CSPP1: variants seen among roughly 807,000 people sequenced by gnomAD.
CSPP1 encodes centrosome and spindle pole associated protein 1.
A neutral mutation model predicts 164.4 loss-of-function variants in CSPP1; 126 were observed. The ratio of observed to expected loss-of-function variants is 0.77; its 90% CI spans 0.66 to 0.89. The LOEUF (loss-of-function observed/expected upper bound fraction) is 0.89, where lower values mean the gene tolerates loss of function less well. Among genes scored for constraint, CSPP1 ranks in the 40% least tolerant of loss-of-function variants. The pLI, the probability that CSPP1 is intolerant of heterozygous loss-of-function variation, is 0.00. For synonymous variants in CSPP1, 472 were observed against 476.7 expected (o/e 0.99, Z 0.13); for missense variants, 1,395 against 1,449.8 (o/e 0.96, Z 0.61).
intron 15 of CSPP1, among the ~76,000 whole-genome samples, chr8:67,129,957 AT>A (rs1358180514): frequency 1.3e-5 from 2 of 152,258 alleles, no homozygotes; most frequent in Non-Finnish European, 2.9e-5. Context: ...ACTAAAGATC[AT>A]TTAATTGTAT....
intron 19 of CSPP1, among the ~76,000 whole-genome samples, chr8:67,156,899 T>C (rs1486355109): frequency 4.6e-5 from 7 of 152,226 alleles, no homozygotes; most frequent in African/African-American, 1.4e-4. Flanking sequence ...TGGAAAACCA[T>C]GACAGGAAGA....
chr8:67,070,155 A>C lies in CSPP1; in HGVS notation c.-10-4088A>C, dbSNP rs375104348. Among the ~76,000 whole-genome samples, 177 of 152,140 alleles carry C rather than the reference A, an allele frequency of 1.2e-3. 1 individual carries two copies. The highest frequency in any genetic ancestry group is 4.2e-3 in the African/African-American group (173 of 41,524). ...TTACTAGGAAAAATCTTTCGTGACTATTAGCAAATTAAAAATGGCTGAAAT... is the reference window on the plus strand; with the variant it reads ...TTACTAGGAAAAATCTTTCGTGACTCTTAGCAAATTAAAAATGGCTGAAAT... On this transcript the variant is annotated intron_variant, in intron 1 of 30. Coordinates refer to ENST00000678616, the MANE Select transcript of CSPP1 (RefSeq NM_001382391.1).
intron 20 of CSPP1, 27 bp from the exon 21 acceptor site, chr8:67,158,964 A>G (rs766214855): frequency 2.6e-6 from 4 of 1,542,936 alleles, no homozygotes; most frequent in Non-Finnish European, 3.5e-6. Context: ...AATATATGGA[A>G]TGCATATTTC....
chr8:67,089,491 ATGGCTGATAAACC>A (rs1404755563), intron 4 of CSPP1, among the ~76,000 whole-genome samples: 1 of 152,134 alleles, frequency 6.6e-6, no homozygotes, highest in East Asian at 1.9e-4. Flanking sequence ...TCCCACCCTC[ATGGCTGATAAACC>A]TGCACTATCC....
chr8:67,165,323 A>G (rs1269977463), intron 24 of CSPP1, among the ~76,000 whole-genome samples: 1 of 152,096 alleles, frequency 6.6e-6, no homozygotes, highest in African/African-American at 2.4e-5. Flanking sequence ...GTTTCTGTAC[A>G]CCCTTCATCC....
chr8:67,169,937 G>T (rs78862225), intron 24 of CSPP1, among the ~76,000 whole-genome samples: 1 of 151,756 alleles, frequency 6.6e-6, no homozygotes, highest in Non-Finnish European at 1.5e-5. Flanking sequence ...TAGTAGAGAC[G>T]TGGTTTTTCC....
At chr8:67,177,467 A>G (rs1831974505) in intron 26 of CSPP1, among the ~76,000 whole-genome samples, 1 of 152,212 alleles carries the variant, frequency 6.6e-6, no homozygotes, top group Non-Finnish European at 1.5e-5. Context: ...TTTACTTGTT[A>G]TGTTCATTCA....
chr8:67,194,578 G>A (rs909086614), intron 30 of CSPP1, among the ~76,000 whole-genome samples: 4 of 151,998 alleles, frequency 2.6e-5, no homozygotes, highest in Non-Finnish European at 5.9e-5. Context: ...ATCTTTTTCA[G>A]AAGGTTTTTA....
In CSPP1 at chr8:67,158,982, A is replaced by C. The variant is rs1827195205; in HGVS notation, c.2392-9A>C. On this transcript the variant is annotated splice_polypyrimidine_tract_variant and intron_variant, in intron 20 of 30. Coordinates refer to ENST00000678616, the MANE Select transcript of CSPP1 (RefSeq NM_001382391.1). Reference sequence around the variant, plus strand: ...ATATGGAATGCATATTTCTCTTTTTATTTTAAAGCAAAGGCTAAAAAATGA... The same window carrying C: ...ATATGGAATGCATATTTCTCTTTTTCTTTTAAAGCAAAGGCTAAAAAATGA... 3.2e-6 allele frequency: 5 copies of C among 1,584,516 alleles called. No homozygotes were observed. In the African/African-American group the frequency reaches 6.9e-5, roughly 22 times the overall value.
In CSPP1 at chr8:67,105,950, T is replaced by A; in HGVS notation, c.1068T>A (p.Cys356Ter). ...ETSKSANQDT[C>*]SPFAGMLFGG... is the part of the protein sequence containing the mutation. ...CCAAATCTGCTAATCAAGATACCTGTAGTCCTTTTGCAGGGATGCTCTTTG... is the reference window on the plus strand; with the variant it reads ...CCAAATCTGCTAATCAAGATACCTGAAGTCCTTTTGCAGGGATGCTCTTTG... The change falls in exon 9 of 31, where the codon TGT becomes TGA. Residue 356 changes from cysteine to a stop codon, truncating the protein, a stop_gained. Transcript: ENST00000678616. LOFTEE classifies it high-confidence loss of function. 6.3e-7 allele frequency: 1 copy of A among 1,593,044 alleles called. No homozygotes were observed. The highest frequency in any genetic ancestry group is 8.6e-7 in the Non-Finnish European group (1 of 1,161,002).
intron 15 of CSPP1, among the ~76,000 whole-genome samples, chr8:67,121,306 G>T (rs1818926105): frequency 6.6e-6 from 1 of 152,168 alleles, no homozygotes; most frequent in African/African-American, 2.4e-5. Flanking sequence ...GATGTTTGCT[G>T]TAGGTTTTTC....
chr8:67,128,539 C>CAA (rs111984957), intron 15 of CSPP1, among the ~76,000 whole-genome samples: 6 of 74,130 alleles, frequency 8.1e-5, no homozygotes, highest in Non-Finnish European at 1.3e-4. Flanking sequence ...GACTCCATCT[C>CAA]AAAAAAAAAA....
intron 1 of CSPP1, among the ~76,000 whole-genome samples, 185 bp from the exon 2 acceptor site, chr8:67,074,058 A>G (rs1316729846): frequency 2.0e-5 from 3 of 152,084 alleles, no homozygotes; most frequent in Non-Finnish European, 4.4e-5. Context: ...ATTTTAAAGT[A>G]TATTGTAGGC....
intron 3 of CSPP1, among the ~76,000 whole-genome samples, chr8:67,076,992 T>C (rs1808060577): frequency 6.6e-6 from 1 of 152,186 alleles, no homozygotes; most frequent in East Asian, 1.9e-4. Context: ...TAATTATTGA[T>C]GATCATGTTG....
intron 5 of CSPP1, among the ~76,000 whole-genome samples, 186 bp downstream of exon 5, chr8:67,092,069 A>G (rs988093172): frequency 6.6e-6 from 1 of 152,182 alleles, no homozygotes; most frequent in African/African-American, 2.4e-5. Context: ...TGAACACAAC[A>G]TTTGTAACCA....
rs761219355 is a variant in CSPP1, at chr8:67,190,728, G to A, written c.3299G>A (p.Arg1100His). The change falls in exon 29 of 31, where the codon CGC (arginine) becomes CAC (histidine). Residue 1100 changes from arginine (R) to histidine (H), a missense_variant. Arg to His is a conservative substitution (Grantham distance 29). Coordinates refer to ENST00000678616, the MANE Select transcript of CSPP1 (RefSeq NM_001382391.1). Reference sequence around the variant, plus strand: ...TCACAGTTGCCCTCTGCACGGGAGCGCAGGAGGAACAAATGGAAAGGACTA... The same window carrying A: ...TCACAGTTGCCCTCTGCACGGGAGCACAGGAGGAACAAATGGAAAGGACTA... ...PPSQLPSARE[R>H]RRNKWKGLDI... is the part of the protein sequence containing the mutation. 9.9e-6 allele frequency: 16 copies of A among 1,613,372 alleles called. No individual in the cohort carries two copies. Among genetic ancestry groups the A allele is most frequent in the East Asian group, 2.2e-5 (1 of 44,894 alleles).
At chr8:67,145,748 G>A (rs979150618) in intron 17 of CSPP1, among the ~76,000 whole-genome samples, 2 of 151,716 alleles carry the variant, frequency 1.3e-5, no homozygotes, top group East Asian at 3.9e-4. Context: ...GGCTGGTCTC[G>A]AACTCCTGAG....
chr8:67,083,542 A>ATAT (rs1483601824), intron 3 of CSPP1: 1 of 131,650 alleles, frequency 7.6e-6, no homozygotes, highest in African/African-American at 3.2e-5. Flanking sequence ...AAAAAAAAAA[A>ATAT]AAAAAAATAT....
chr8:67,167,782 G>T (rs533662033), intron 24 of CSPP1, among the ~76,000 whole-genome samples: 1 of 145,418 alleles, frequency 6.9e-6, no homozygotes, highest in East Asian at 2.1e-4. Flanking sequence ...ACGGGATGGC[G>T]GCTGGGAAGA....
Sources: allele counts gnomAD v4.1 joint callset (sites outside exome capture counted in the v4.1 genomes callset), GRCh38; gene constraint gnomAD v4.1.1; transcripts MANE v1.5; gene names NCBI Gene and HGNC (gene_info 2026-07-23, HGNC 2026-07-21).